WWOX: variants seen among roughly 807,000 people sequenced by gnomAD.
The protein encoded by WWOX is WW domain containing oxidoreductase.
A neutral mutation model predicts 46.2 loss-of-function variants in WWOX; 69 were observed. The ratio of observed to expected loss-of-function variants is 1.49; its 90% CI spans 1.23 to 1.82. The LOEUF is 1.82. Among genes scored for constraint, WWOX ranks in the 40% most tolerant of loss-of-function variants. The pLI is 0.00. For synonymous variants in WWOX, 359 were observed against 202.6 expected (o/e 1.77, Z -6.56); for missense variants, 919 against 542.6 (o/e 1.69, Z -6.89).
intron 8 of WWOX, among the ~76,000 whole-genome samples, chr16:78,546,539 A>C (rs1212238432): frequency 6.6e-6 from 1 of 152,198 alleles, no homozygotes; most frequent in Admixed American, 6.5e-5. Context: ...TTACGATTCC[A>C]TTGTTTATAT....
At chr16:79,119,820 G>A (rs978452220) in intron 8 of WWOX, among the ~76,000 whole-genome samples, 1 of 152,158 alleles carries the variant, frequency 6.6e-6, no homozygotes, top group Non-Finnish European at 1.5e-5. Context: ...AGGATCAAGA[G>A]GCCAGAGAAG....
intron 8 of WWOX, chr16:78,550,841 A>G (rs989384052): frequency 1.3e-5 from 2 of 152,046 alleles, no homozygotes; most frequent in Admixed American, 6.6e-5. Flanking sequence ...CTGAGGGCGG[A>G]CCTAATTTTT....
At chr16:78,352,931 AG>A (rs1019093248) in intron 5 of WWOX, among the ~76,000 whole-genome samples, 19 of 152,188 alleles carry the variant, frequency 1.2e-4, no homozygotes, top group Admixed American at 3.9e-4. Context: ...ACTAGCTTAT[AG>A]TTTATTTTAT....
At chr16:78,146,153 G>C (rs2034190168) in intron 4 of WWOX, among the ~76,000 whole-genome samples, 1 of 152,090 alleles carries the variant, frequency 6.6e-6, no homozygotes. Context: ...GTTTACTCTA[G>C]GAAGGAGAAT....
chr16:78,916,999 G>T (rs1417244911), intron 8 of WWOX, among the ~76,000 whole-genome samples: 1 of 152,090 alleles, frequency 6.6e-6, no homozygotes, highest in Non-Finnish European at 1.5e-5. Flanking sequence ...CTCAGCATTG[G>T]CACCATTTTG....
intron 8 of WWOX, among the ~76,000 whole-genome samples, chr16:78,521,030 C>T (rs1037743353): frequency 6.6e-5 from 10 of 152,000 alleles, no homozygotes; most frequent in African/African-American, 2.4e-4. Flanking sequence ...GCCTCCAGGC[C>T]CCTTCTGGAA....
intron 6 of WWOX, among the ~76,000 whole-genome samples, chr16:78,421,227 C>T (rs150533450): frequency 6.6e-6 from 1 of 152,278 alleles, no homozygotes; most frequent in East Asian, 1.9e-4. Flanking sequence ...TTTCAGAGAC[C>T]AAACATCTGA....
intron 8 of WWOX, among the ~76,000 whole-genome samples, chr16:79,151,596 A>G (rs2050280352): frequency 6.6e-6 from 1 of 152,230 alleles, no homozygotes; most frequent in Non-Finnish European, 1.5e-5. Context: ...CCCTCTGCTT[A>G]TGGGCTGCAT....
chr16:78,499,661 T>A (rs2085010264), intron 8 of WWOX, among the ~76,000 whole-genome samples: 1 of 152,254 alleles, frequency 6.6e-6, no homozygotes. Context: ...TGCGACTCTC[T>A]TCCCTATTAG....
chr16:78,938,233 C>A (rs1237583730), intron 8 of WWOX, among the ~76,000 whole-genome samples: 2 of 152,142 alleles, frequency 1.3e-5, no homozygotes, highest in Non-Finnish European at 2.9e-5. Context: ...CACACCTGGA[C>A]GTGAACTAGA....
intron 8 of WWOX, among the ~76,000 whole-genome samples, chr16:79,024,271 CT>C (rs2047592971): frequency 6.6e-6 from 1 of 152,034 alleles, no homozygotes; most frequent in South Asian, 2.1e-4. Context: ...TTTATTTATT[CT>C]TTTAGGGACA....
At chr16:78,623,579 C>T (rs1305885541) in intron 8 of WWOX, among the ~76,000 whole-genome samples, 1 of 151,958 alleles carries the variant, frequency 6.6e-6, no homozygotes, top group Non-Finnish European at 1.5e-5. Context: ...ACTTGAGAGG[C>T]TGAGGGATGA....
intron 8 of WWOX, among the ~76,000 whole-genome samples, chr16:79,163,759 T>G (rs1223217477): frequency 7.2e-6 from 1 of 139,448 alleles, no homozygotes; most frequent in Non-Finnish European, 1.5e-5. Flanking sequence ...ATCGTGCCAT[T>G]GCACTCTGGC....
chr16:78,146,558 C>T (rs1323976286), intron 4 of WWOX, among the ~76,000 whole-genome samples: 1 of 152,142 alleles, frequency 6.6e-6, no homozygotes, highest in East Asian at 1.9e-4. Flanking sequence ...TACACGTTTC[C>T]TGAGAGGTAT....
chr16:78,413,204 A>T lies in WWOX; in HGVS notation c.606-11666A>T, dbSNP rs140638280. On this transcript the variant is annotated intron_variant, in intron 6 of 8. Transcript: ENST00000566780. ...CTCAAATCAATCTCCCCGAGAATTC[A>T]GGGATCGGAGTCTTTAAGGAGAAAT... 5.1e-3 allele frequency among the ~76,000 whole-genome samples: 772 copies of T among 152,158 alleles called. 13 individuals are homozygous for T. The highest frequency in any genetic ancestry group is 0.015 in the South Asian group (74 of 4,820).
At chr16:78,932,600 C>A (rs1597168758) in intron 8 of WWOX, among the ~76,000 whole-genome samples, 1 of 152,330 alleles carries the variant, frequency 6.6e-6, no homozygotes, top group East Asian at 1.9e-4. Context: ...GAGGTGCCGA[C>A]CAAGCGCTGG....
chr16:78,341,745 G>A (rs1362969089), intron 5 of WWOX, among the ~76,000 whole-genome samples: 1 of 120,768 alleles, frequency 8.3e-6, no homozygotes, highest in African/African-American at 2.8e-5. Flanking sequence ...CAGTGTTGCT[G>A]AGGGATGTGG....
intron 5 of WWOX, among the ~76,000 whole-genome samples, chr16:78,185,334 C>G (rs2035664630): frequency 6.6e-6 from 1 of 152,196 alleles, no homozygotes; most frequent in South Asian, 2.1e-4. Flanking sequence ...GACCCTCCCG[C>G]CTCTGTAACC....
chr16:78,713,315 C>G (rs992986169), intron 8 of WWOX, among the ~76,000 whole-genome samples: 2 of 149,988 alleles, frequency 1.3e-5, no homozygotes, highest in African/African-American at 4.9e-5. Flanking sequence ...AGTAGCACAC[C>G]CCAAAACTTC....
Sources: allele counts gnomAD v4.1 joint callset (sites outside exome capture counted in the v4.1 genomes callset), GRCh38; gene constraint gnomAD v4.1.1; transcripts MANE v1.5; gene names NCBI Gene and HGNC (gene_info 2026-07-23, HGNC 2026-07-21).